The following KLHDC10 variants were observed in gnomAD, a reference collection of about 807,000 sequenced individuals.
KLHDC10 encodes the protein kelch domain-containing protein 10.
In KLHDC10, 24 loss-of-function variants were observed where a neutral mutation model predicts 56.1. The observed-to-expected ratio is 0.43, with a 90% CI of 0.31 to 0.60. The LOEUF (loss-of-function observed/expected upper bound fraction) is 0.60, where lower values mean the gene tolerates loss of function less well. Ranked by LOEUF, KLHDC10 falls within the 20% of genes least tolerant of loss-of-function variation. KLHDC10 has a pLI of 0.11. For missense variants in KLHDC10, 349 were observed against 567.0 expected, an observed-to-expected ratio of 0.62 and a Z score of 3.91; for synonymous variants, 188 against 207.1, an observed-to-expected ratio of 0.91 and a Z score of 0.79.
rs1796404930 is a variant in KLHDC10 at position 130,131,811 on chromosome 7, A to G, written c.*1065A>G. The G allele has an allele frequency of 6.6e-6, 1 of 152,170 alleles. No homozygotes were observed. Among genetic ancestry groups the G allele is most frequent in the African/African-American group, 2.4e-5 (1 of 41,414 alleles). The allele number at this position is 152,170 out of a possible 1,614,324, so 9.4% of individuals were successfully genotyped here. ...TTGTTTCTTTTCTAATCTCTGGGCCAGGTACCTGCCATTTTCTCAGGCAGT... is the reference window on the plus strand; with the variant it reads ...TTGTTTCTTTTCTAATCTCTGGGCCGGGTACCTGCCATTTTCTCAGGCAGT... On this transcript the variant is annotated 3_prime_UTR_variant, in exon 10 of 10. Transcript: ENST00000335420.
chr7:130,071,734 A>G (rs1167585197), intron 1 of KLHDC10, among the ~76,000 whole-genome samples: 1 of 152,220 alleles, frequency 6.6e-6, no homozygotes, highest in East Asian at 1.9e-4. Flanking sequence ...ATGATGTGTT[A>G]ATTATTCATC....
chr7:130,090,584 T>C (rs1199965760), intron 1 of KLHDC10, among the ~76,000 whole-genome samples: 1 of 150,340 alleles, frequency 6.7e-6, no homozygotes, highest in African/African-American at 2.5e-5. Context: ...CAAGACTCTG[T>C]CTTAAAGAAA....
At chr7:130,085,806 C>A (rs1378704699) in intron 1 of KLHDC10, among the ~76,000 whole-genome samples, 2 of 141,740 alleles carry the variant, frequency 1.4e-5, no homozygotes, top group Non-Finnish European at 3.0e-5. Flanking sequence ...TGCACTCCAG[C>A]CTGGGTGACA....
intron 2 of KLHDC10, among the ~76,000 whole-genome samples, chr7:130,101,629 G>T (rs1387774986): frequency 6.6e-6 from 1 of 152,130 alleles, no homozygotes; most frequent in African/African-American, 2.4e-5. Context: ...GAAAGTAGAA[G>T]ATTTGCCTTG....
chr7:130,089,171 G>A (rs564816377), intron 1 of KLHDC10, among the ~76,000 whole-genome samples: 2 of 151,930 alleles, frequency 1.3e-5, no homozygotes, highest in Non-Finnish European at 2.9e-5. Flanking sequence ...TTTTCCCCTT[G>A]TCCGAAACTT....
chr7:130,122,164 G>A lies in KLHDC10; in HGVS notation c.741G>A (p.Leu247=), dbSNP rs78696877. 8 of 1,613,850 alleles carry A rather than the reference G, an allele frequency of 5.0e-6. No individual in the cohort carries two copies. The highest frequency in any genetic ancestry group is 6.8e-6 in the Non-Finnish European group (8 of 1,179,936). ...LDLNTREWTQ[L]KPNNLSCDLP... ...TCAATACCAGAGAGTGGACACAACT[G>A]AAACCAAACAACCTATCCTGTGATC... Residue 247 remains leucine, a synonymous_variant, in exon 5 of 10, where the codon CTG becomes CTA. Transcript: ENST00000335420.
chr7:130,133,529 A>C lies in KLHDC10; in HGVS notation c.*2783A>C, dbSNP rs913928400. The C allele has an allele frequency of 6.6e-6, 1 of 152,362 alleles. No homozygotes were observed. The highest frequency in any genetic ancestry group is 2.1e-4 in the South Asian group (1 of 4,828). 9.4% of individuals were successfully genotyped at this position (152,362 alleles called of 1,614,324 possible). ...ATTTTAGATGTGATCAGCTGGCTTA[A>C]GCCAACTCATGTCATGATAAAGCTG... On this transcript the variant is annotated 3_prime_UTR_variant, in exon 10 of 10. Coordinates refer to ENST00000335420, the MANE Select transcript of KLHDC10 (RefSeq NM_014997.4).
At chr7:130,103,643 AAT>A (rs1307593804) in intron 2 of KLHDC10, among the ~76,000 whole-genome samples, 1 of 152,142 alleles carries the variant, frequency 6.6e-6, no homozygotes, top group Non-Finnish European at 1.5e-5. Flanking sequence ...CTACAAGATA[AAT>A]GCCTTCAGTG....
At chr7:130,097,751 C>T (rs1795869436) in intron 2 of KLHDC10, among the ~76,000 whole-genome samples, 1 of 152,126 alleles carries the variant, frequency 6.6e-6, no homozygotes, top group African/African-American at 2.4e-5. Flanking sequence ...TTTCTGAAAC[C>T]AGTTTGGTAA....
At chr7:130,128,311 C>G (rs75791996) in intron 8 of KLHDC10, among the ~76,000 whole-genome samples, 6,311 of 152,248 alleles carry the variant, frequency 0.041, 433 homozygotes, top group African/African-American at 0.14. Context: ...TTGGTCTAGA[C>G]CTGAGTTAAG....
rs1322645595 is a variant in KLHDC10, at chr7:130,129,406, G to C, written c.980-31G>C. ...TCCATAGCTTTGGCTCTTTTCCTTT[G>C]TGTGATCTTGGCTTTCTCTTTTCTT... On this transcript the variant is annotated intron_variant, in intron 8 of 9. Coordinates refer to ENST00000335420, the MANE Select transcript of KLHDC10 (RefSeq NM_014997.4). 1.9e-6 allele frequency: 3 copies of C among 1,611,246 alleles called. No individual in the cohort carries two copies. In the Admixed American group the frequency reaches 5.1e-5, roughly 27 times the overall value.
chr7:130,081,518 C>T (rs753325517), intron 1 of KLHDC10, among the ~76,000 whole-genome samples: 19 of 151,892 alleles, frequency 1.3e-4, no homozygotes, highest in African/African-American at 2.7e-4. Flanking sequence ...AGGGTTTCAC[C>T]GTGTTGCCCA....
chr7:130,100,986 A>G (rs1328232318), intron 2 of KLHDC10, among the ~76,000 whole-genome samples: 1 of 147,502 alleles, frequency 6.8e-6, no homozygotes, highest in Admixed American at 6.9e-5. Context: ...ACAAAGAATA[A>G]ATCATTGTAA....
chr7:130,109,140 CA>C (rs1177463200), intron 2 of KLHDC10, among the ~76,000 whole-genome samples: 2 of 152,084 alleles, frequency 1.3e-5, no homozygotes, highest in East Asian at 3.9e-4. Flanking sequence ...CTCCTAATCT[CA>C]AGTGATCCAC....
intron 7 of KLHDC10, among the ~76,000 whole-genome samples, chr7:130,126,694 A>C (rs564394692): frequency 6.6e-6 from 1 of 151,742 alleles, no homozygotes; most frequent in East Asian, 1.9e-4. Context: ...ATAAATAAAA[A>C]ACAAAAACAA....
chr7:130,117,471 C>G (rs1048231126), intron 3 of KLHDC10: 1 of 159,146 alleles, frequency 6.3e-6, no homozygotes, highest in East Asian at 1.8e-4. Context: ...ACTGCTTAAT[C>G]AACTAAGTTT....
chr7:130,088,482 G>C (rs776380666), intron 1 of KLHDC10, among the ~76,000 whole-genome samples: 1 of 151,568 alleles, frequency 6.6e-6, no homozygotes, highest in Non-Finnish European at 1.5e-5. Flanking sequence ...TACCATGTTG[G>C]CCAGGCTGGT....
At position 130,135,206 on chromosome 7, in the gene KLHDC10, C is replaced by G. The variant is rs1312062530; in HGVS notation, c.*4460C>G. 9.1e-6 allele frequency: 1 copy of G among 110,474 alleles called. No homozygotes were observed. The highest frequency in any genetic ancestry group is 3.2e-5 in the African/African-American group (1 of 31,186). The allele number at this position is 110,474 out of a possible 1,614,324, so 6.8% of individuals were successfully genotyped here. ...AGAAAAAAACAAAAAACAATTTCAC[C>G]AAGCGGTAGTAATTGTTGTTTTACT... On this transcript the variant is annotated 3_prime_UTR_variant, in exon 10 of 10. Coordinates refer to ENST00000335420, the MANE Select transcript of KLHDC10 (RefSeq NM_014997.4).
At chr7:130,115,373 T>C (rs1796152687) in intron 2 of KLHDC10, among the ~76,000 whole-genome samples, 1 of 152,142 alleles carries the variant, frequency 6.6e-6, no homozygotes, top group Non-Finnish European at 1.5e-5. Context: ...ATAAAGTTTT[T>C]TGTTTTTTGT....
Sources: gnomAD v4.1 joint callset for allele counts (sites outside exome capture counted in the v4.1 genomes callset) on GRCh38, gnomAD v4.1.1 for gene constraint, MANE v1.5 for transcripts, NCBI Gene and HGNC (gene_info 2026-07-23, HGNC 2026-07-21) for gene names.